Variants in AIM2 observed in about 807,000 individuals in gnomAD.
AIM2 encodes the protein interferon-inducible protein AIM2.
AIM2 carries 30 observed loss-of-function variants against 27.7 expected under a neutral mutation model. That is an observed-to-expected ratio of 1.08 (90% CI 0.81 to 1.47). The LOEUF is 1.47. AIM2 is among the 40% of genes most tolerant of loss of function. AIM2 has a pLI of 0.00. For missense variants in AIM2, 358 were observed against 411.3 expected (o/e 0.87, Z 1.12); for synonymous variants, 141 against 145.3 (o/e 0.97, Z 0.21).
At chr1:159,095,459 A>G (rs757208825) in intron 1 of AIM2, among the ~76,000 whole-genome samples, 33 of 152,196 alleles carry the variant, frequency 2.2e-4, no homozygotes, top group Non-Finnish European at 4.3e-4. Flanking sequence ...AAGAGCATTG[A>G]GACCTTGTAT....
intron 1 of AIM2, among the ~76,000 whole-genome samples, chr1:159,084,664 T>C (rs1429611331): frequency 6.6e-6 from 1 of 151,840 alleles, no homozygotes; most frequent in Non-Finnish European, 1.5e-5. Context: ...TCCCAATTAC[T>C]TGGGAGGTTG....
intron 1 of AIM2, among the ~76,000 whole-genome samples, chr1:159,103,507 A>C (rs143381924): frequency 6.6e-6 from 1 of 152,268 alleles, no homozygotes; most frequent in Non-Finnish European, 1.5e-5. Flanking sequence ...AGAGACAGCC[A>C]TCTCCTCTTT....
intron 4 of AIM2, among the ~76,000 whole-genome samples, chr1:159,065,475 C>T (rs1656043789): frequency 6.6e-6 from 1 of 152,146 alleles, no homozygotes; most frequent in Admixed American, 6.5e-5. Flanking sequence ...CATTTAATCA[C>T]AGTTCTTTAA....
intron 1 of AIM2, among the ~76,000 whole-genome samples, chr1:159,109,653 A>G (rs1657524261): frequency 6.6e-6 from 1 of 152,250 alleles, no homozygotes; most frequent in Non-Finnish European, 1.5e-5. Flanking sequence ...AATCTTTACA[A>G]TCTATACAAC....
intron 1 of AIM2, among the ~76,000 whole-genome samples, chr1:159,139,843 A>G (rs1177857508): frequency 6.6e-6 from 1 of 152,238 alleles, no homozygotes. Flanking sequence ...GAAAGACTCT[A>G]GAAATGAGCA....
At chr1:159,056,633 C>G in the AIM2 span, among the ~76,000 whole-genome samples, 2 of 131,932 alleles carry the variant, frequency 1.5e-5, no homozygotes, top group Non-Finnish European at 3.1e-5. Context: ...TGTATCTAAA[C>G]AAGGGGAGGG....
At chr1:159,091,814 G>A (rs1322720305) in intron 1 of AIM2, among the ~76,000 whole-genome samples, 2 of 152,200 alleles carry the variant, frequency 1.3e-5, no homozygotes, top group African/African-American at 4.8e-5. Context: ...CTATTGAAAA[G>A]GGCCTGCTTA....
intron 1 of AIM2, among the ~76,000 whole-genome samples, chr1:159,089,759 GT>G (rs1657005118): frequency 6.6e-6 from 1 of 152,134 alleles, no homozygotes. Flanking sequence ...TATACACATG[GT>G]TTCCTACGAC....
At chr1:159,099,519 A>G (rs541459577) in intron 1 of AIM2, among the ~76,000 whole-genome samples, 38 of 152,248 alleles carry the variant, frequency 2.5e-4, no homozygotes, top group African/African-American at 9.2e-4. Flanking sequence ...CCCAAAGACT[A>G]CTAGACCTAT....
intron 1 of AIM2, among the ~76,000 whole-genome samples, chr1:159,087,827 C>T (rs1290200049): frequency 1.3e-5 from 2 of 152,062 alleles, no homozygotes; most frequent in African/African-American, 2.4e-5. Context: ...CCTATCTTGG[C>T]CCCCCAAAGT....
In AIM2 at chr1:159,096,919, C is replaced by T. The variant is rs985730001; in HGVS notation, c.-15-30590G>A. 4.6e-5 allele frequency among the ~76,000 whole-genome samples: 7 copies of T among 152,058 alleles called. No individual in the cohort carries two copies. The South Asian group carries it at 1.0e-3, about 23-fold the overall frequency. ...AACAAAAAGTATTCCCTTCATCCTT[C>T]GATATTGTCACCTGCTTGTGATCTA... On this transcript the variant is annotated intron_variant, in intron 1 of 2. Coordinates refer to the AIM2 transcript ENST00000368129.
chr1:159,071,354 C>A (rs769612597), intron 2 of AIM2, among the ~76,000 whole-genome samples: 26 of 152,138 alleles, frequency 1.7e-4, no homozygotes, highest in Non-Finnish European at 3.1e-4. Context: ...AAAAATAAAA[C>A]AAAAACTGTT....
At chr1:159,090,552 T>A (rs1657021202) in intron 1 of AIM2, among the ~76,000 whole-genome samples, 1 of 152,236 alleles carries the variant, frequency 6.6e-6, no homozygotes, top group Non-Finnish European at 1.5e-5. Flanking sequence ...TTTGTTTCTA[T>A]CTCTAAATAA....
upstream of AIM2, chr1:159,081,242 T>C (rs1656768821): frequency 5.1e-6 from 1 of 195,436 alleles, no homozygotes; most frequent in African/African-American, 2.4e-5. Flanking sequence ...ATCCTGTTAT[T>C]TGTGTGAATA....
Position 159,070,613 on chromosome 1 carries a change from T to C in AIM2, c.263-1912A>G, listed in dbSNP as rs374128716. Among the ~76,000 whole-genome samples the C allele has an allele frequency of 3.6e-4, 55 of 152,320 alleles. No homozygotes were observed. The South Asian group carries it at 0.011, about 32-fold the overall frequency. Reference sequence around the variant, plus strand: ...ATTCTGGACTGAAATAGCAAGGCAATCACTGATTTTACTAAAAAGAGAAAC... The same window carrying C: ...ATTCTGGACTGAAATAGCAAGGCAACCACTGATTTTACTAAAAAGAGAAAC... On this transcript the variant is annotated intron_variant, in intron 2 of 5. Coordinates refer to ENST00000368130, the MANE Select transcript of AIM2 (RefSeq NM_004833.3).
intron 1 of AIM2, among the ~76,000 whole-genome samples, chr1:159,111,369 A>G (rs902706561): frequency 1.3e-5 from 2 of 152,216 alleles, no homozygotes; most frequent in Non-Finnish European, 2.9e-5. Context: ...GTTATTTAAA[A>G]CTAGTTAGGT....
chr1:159,055,617 C>T, the AIM2 span, among the ~76,000 whole-genome samples: 151,317 of 152,352 alleles, frequency 0.99, 75,154 homozygotes, highest in Middle Eastern at 1. Flanking sequence ...AAACCATATT[C>T]CCTGTTCTCG....
At chr1:159,097,380 T>C (rs1394349711) in intron 1 of AIM2, among the ~76,000 whole-genome samples, 1 of 152,090 alleles carries the variant, frequency 6.6e-6, no homozygotes, top group African/African-American at 2.4e-5. Context: ...AGCTACATCC[T>C]CCCACTCTTT....
At chr1:159,072,463 T>C (rs1468489882) in intron 2 of AIM2, among the ~76,000 whole-genome samples, 1 of 152,232 alleles carries the variant, frequency 6.6e-6, no homozygotes, top group Non-Finnish European at 1.5e-5. Flanking sequence ...ACTTTCATTT[T>C]GGAGAGTCCT....
Sources: gnomAD v4.1 joint callset for allele counts (sites outside exome capture counted in the v4.1 genomes callset) on GRCh38, gnomAD v4.1.1 for gene constraint, MANE v1.5 for transcripts, NCBI Gene and HGNC (gene_info 2026-07-23, HGNC 2026-07-21) for gene names.